The following LYRM4 variants were observed in gnomAD, a reference collection of about 807,000 sequenced individuals.
The protein encoded by LYRM4 is LYR motif-containing protein 4.
Under a neutral mutation model 11.7 loss-of-function variants are expected in LYRM4, and 9 were observed. That is an observed-to-expected ratio of 0.77 (90% CI 0.46 to 1.34). The LOEUF (loss-of-function observed/expected upper bound fraction) is 1.34, where lower values mean the gene tolerates loss of function less well. Ranked by LOEUF, LYRM4 falls within the 40% of genes most tolerant of loss-of-function variation. The probability of loss-of-function intolerance (pLI) is 0.00; values close to 1 mark genes in which losing one functional copy is unlikely to be tolerated. For synonymous variants in LYRM4, 42 were observed against 40.4 expected (o/e 1.04, Z -0.15); for missense variants, 133 against 112.5 (o/e 1.18, Z -0.82).
Position 5,193,291 on chromosome 6 carries a change from T to A in LYRM4, c.207+23327A>T, listed in dbSNP as rs114827006. Among the ~76,000 whole-genome samples, 1,038 of 150,012 alleles carry A rather than the reference T, an allele frequency of 6.9e-3. 11 individuals are homozygous for A. Among genetic ancestry groups the A allele is most frequent in the African/African-American group, 0.024 (987 of 40,450 alleles). On this transcript the variant is annotated intron_variant, in intron 2 of 2. Coordinates refer to ENST00000330636, the MANE Select transcript of LYRM4 (RefSeq NM_020408.6). ...GCACCTCTATGTACTATATGTGATT[T>A]AAAAAAAAACCAGAAAACAAAAAAA...
chr6:5,164,751 T>G (rs2127658825), intron 2 of LYRM4, among the ~76,000 whole-genome samples: 1 of 152,222 alleles, frequency 6.6e-6, no homozygotes, highest in South Asian at 2.1e-4. Flanking sequence ...GCTGATCACT[T>G]GAGGTCAGGA....
intron 1 of LYRM4, among the ~76,000 whole-genome samples, chr6:5,239,432 G>C (rs1369441414): frequency 6.6e-6 from 1 of 152,054 alleles, no homozygotes; most frequent in Non-Finnish European, 1.5e-5. Flanking sequence ...CCCCTGGAAA[G>C]GACAAATGGA....
At chr6:5,210,314 A>G (rs1210777205) in intron 2 of LYRM4, among the ~76,000 whole-genome samples, 1 of 152,220 alleles carries the variant, frequency 6.6e-6, no homozygotes, top group Non-Finnish European at 1.5e-5. Context: ...CAGCAGCCTT[A>G]GAAATTACAG....
chr6:5,160,085 C>T (rs761131466), intron 2 of LYRM4, among the ~76,000 whole-genome samples: 1 of 152,106 alleles, frequency 6.6e-6, no homozygotes, highest in African/African-American at 2.4e-5. Flanking sequence ...CTCTGGATTC[C>T]ATTAGCTTGG....
rs111230202 is a variant in LYRM4 at position 5,112,017 on chromosome 6, C to G, written c.208-2526G>C. ...GAGTCCCTAGGGCGCTGGTGGGAACCTGGCCAAGGGACAGTCGTGGCAGAC... is the reference window on the plus strand; with the variant it reads ...GAGTCCCTAGGGCGCTGGTGGGAACGTGGCCAAGGGACAGTCGTGGCAGAC... On this transcript the variant is annotated intron_variant, in intron 2 of 2. Transcript: ENST00000330636. 5.9e-3 allele frequency among the ~76,000 whole-genome samples: 893 copies of G among 152,316 alleles called. 5 individuals are homozygous for G. The highest frequency in any genetic ancestry group is 0.021 in the African/African-American group (854 of 41,580).
chr6:5,138,719 C>T, intron 2 of LYRM4: 1 of 1,532,820 alleles, frequency 6.5e-7, no homozygotes, highest in South Asian at 1.2e-5. Context: ...TGGTGGCAGA[C>T]AATGACTATG....
At chr6:5,217,511 C>T (rs1469114369) in intron 1 of LYRM4, among the ~76,000 whole-genome samples, 1 of 152,228 alleles carries the variant, frequency 6.6e-6, no homozygotes, top group African/African-American at 2.4e-5. Context: ...GCCGTGTCTC[C>T]TCATCTGTCA....
In LYRM4 at chr6:5,260,742, GA is replaced by G. The variant is rs561083109; in HGVS notation, c.-10del. On this transcript the variant is annotated 5_prime_UTR_variant, in exon 1 of 3. Coordinates refer to ENST00000330636, the MANE Select transcript of LYRM4 (RefSeq NM_020408.6). ...CGACTGGAGGCTGCCATTTTGGAAA[GA>G]AAAAAAAATAAACGGGTCCTCTTCG... 290 of 1,519,502 alleles carry G rather than the reference GA, an allele frequency of 1.9e-4. No homozygotes were observed. The highest frequency in any genetic ancestry group is 3.5e-4 in the Middle Eastern group (2 of 5,786). The allele number at this position is 1,519,502 out of a possible 1,614,324, so 94.1% of individuals were successfully genotyped here.
At chr6:5,173,021 T>C (rs1271750776) in intron 2 of LYRM4, among the ~76,000 whole-genome samples, 1 of 152,210 alleles carries the variant, frequency 6.6e-6, no homozygotes, top group Non-Finnish European at 1.5e-5. Context: ...TCTTTGGCCC[T>C]GACTGCATTA....
the LYRM4 span, chr6:5,086,526 C>T: frequency 3.9e-6 from 6 of 1,532,910 alleles, no homozygotes; most frequent in African/African-American, 5.5e-5. Flanking sequence ...GCGCCAACTA[C>T]ACGCTGCGCT....
At chr6:5,076,856 C>T in the LYRM4 span, among the ~76,000 whole-genome samples, 1 of 152,230 alleles carries the variant, frequency 6.6e-6, no homozygotes, top group Non-Finnish European at 1.5e-5. Context: ...CAAGGACCTC[C>T]GTTCTTCTCT....
At chr6:5,040,315 CAAT>C in the LYRM4 span, among the ~76,000 whole-genome samples, 3 of 60,566 alleles carry the variant, frequency 5.0e-5, no homozygotes, top group African/African-American at 1.4e-4. Flanking sequence ...CTATCTCTAA[CAAT>C]AGATAGATAG....
intron 1 of LYRM4, among the ~76,000 whole-genome samples, chr6:5,257,669 A>G (rs1764744483): frequency 6.6e-6 from 1 of 152,144 alleles, no homozygotes; most frequent in Admixed American, 6.5e-5. Context: ...AGGTGCACCT[A>G]TTGTGAACTG....
chr6:5,185,807 G>T (rs368063673), intron 2 of LYRM4, among the ~76,000 whole-genome samples: 1 of 152,142 alleles, frequency 6.6e-6, no homozygotes, highest in Non-Finnish European at 1.5e-5. Flanking sequence ...GTGTCATGGC[G>T]GTGGATGTGA....
chr6:5,121,112 C>A (rs1217366376), intron 2 of LYRM4, among the ~76,000 whole-genome samples: 1 of 152,166 alleles, frequency 6.6e-6, no homozygotes, highest in Non-Finnish European at 1.5e-5. Flanking sequence ...TTCCCTCCAC[C>A]CCTGCCCTGC....
chr6:5,170,482 T>TTTTA (rs61679234), intron 2 of LYRM4, among the ~76,000 whole-genome samples: 2,999 of 151,346 alleles, frequency 0.02, 71 homozygotes, highest in African/African-American at 0.053. Flanking sequence ...ACTTTATTTC[T>TTTTA]TTTATTTATT....
intron 2 of LYRM4, among the ~76,000 whole-genome samples, chr6:5,146,676 G>A (rs150905348): frequency 1.6e-4 from 24 of 152,304 alleles, no homozygotes; most frequent in African/African-American, 5.5e-4. Flanking sequence ...CCTGTCCAGT[G>A]AACAGCTTAG....
At chr6:5,197,373 A>G (rs773409988) in intron 2 of LYRM4, among the ~76,000 whole-genome samples, 1 of 152,198 alleles carries the variant, frequency 6.6e-6, no homozygotes, top group Non-Finnish European at 1.5e-5. Flanking sequence ...GTAATATCTT[A>G]GAATAGATTT....
At chr6:5,197,645 A>G (rs1440918896) in intron 2 of LYRM4, among the ~76,000 whole-genome samples, 3 of 152,260 alleles carry the variant, frequency 2.0e-5, no homozygotes, top group Non-Finnish European at 4.4e-5. Flanking sequence ...CTGCACTCCA[A>G]CTTGGGTGAC....
Sources: gnomAD v4.1 joint callset for allele counts (sites outside exome capture counted in the v4.1 genomes callset) on GRCh38, gnomAD v4.1.1 for gene constraint, MANE v1.5 for transcripts, NCBI Gene and HGNC (gene_info 2026-07-23, HGNC 2026-07-21) for gene names.